BIN1: variants seen among roughly 807,000 people sequenced by gnomAD.
BIN1 encodes the protein bridging integrator 1.
Under a neutral mutation model 82.0 loss-of-function variants are expected in BIN1, and 53 were observed. The ratio of observed to expected loss-of-function variants is 0.65; its 90% confidence interval spans 0.52 to 0.81. The LOEUF (loss-of-function observed/expected upper bound fraction) is 0.81, where lower values mean the gene tolerates loss of function less well. Among genes scored for constraint, BIN1 ranks in the 40% least tolerant of loss-of-function variants. The pLI is 0.00. For missense variants in BIN1, 642 were observed against 784.4 expected (o/e 0.82, Z 2.17); for synonymous variants, 302 against 328.0 (o/e 0.92, Z 0.86).
chr2:127,050,236 A>C (rs1682723231), intron 18 of BIN1, 185 bp downstream of exon 18: 3 of 650,474 alleles, frequency 4.6e-6, no homozygotes, highest in African/African-American at 3.6e-5. Context: ...GGCCAAGGGA[A>C]GGGAGAGGAG....
intron 15 of BIN1, 37 bp from the exon 16 acceptor site, chr2:127,051,280 A>ACAGGACACAGC: frequency 1.2e-6 from 2 of 1,605,912 alleles, no homozygotes; most frequent in East Asian, 2.2e-5. Context: ...CAGACACAGG[A>ACAGGACACAGC]CAGGACACAG....
intron 1 of BIN1, among the ~76,000 whole-genome samples, chr2:127,079,206 C>G (rs191741118): frequency 6.6e-6 from 1 of 152,304 alleles, no homozygotes; most frequent in East Asian, 1.9e-4. Context: ...GCCTTGAGAA[C>G]GAGACACCAG....
At position 127,056,904 on chromosome 2, in the gene BIN1, C is replaced by T. The variant is rs1055641554; in HGVS notation, c.1131+569G>A. ...GAGCCCACTGGGAGAGACCCAAGACCCTCTGCGTGGCTCCTTGCTGAGCCA... is the reference window on the plus strand; with the variant it reads ...GAGCCCACTGGGAGAGACCCAAGACTCTCTGCGTGGCTCCTTGCTGAGCCA... On this transcript the variant is annotated intron_variant, in intron 12 of 18. Coordinates refer to ENST00000316724, the MANE Select transcript of BIN1 (RefSeq NM_139343.3). 4.6e-5 allele frequency among the ~76,000 whole-genome samples: 7 copies of T among 152,374 alleles called. No homozygotes were observed. In the East Asian group the frequency reaches 1.4e-3, roughly 29 times the overall value.
intron 4 of BIN1, 45 bp downstream of exon 4, chr2:127,070,508 C>A: frequency 6.2e-7 from 1 of 1,606,106 alleles, no homozygotes; most frequent in South Asian, 1.1e-5. Flanking sequence ...GAGCTGAGAC[C>A]AGAGGGCCCT....
At chr2:127,094,402 C>G (rs1308323616) in intron 1 of BIN1, among the ~76,000 whole-genome samples, 1 of 152,216 alleles carries the variant, frequency 6.6e-6, no homozygotes, top group African/African-American at 2.4e-5. Flanking sequence ...TCTAGCCTCC[C>G]CCTTCAGGAT....
chr2:127,070,141 C>T (rs770313456), intron 4 of BIN1, 51 bp from the exon 5 acceptor site: 134 of 1,488,306 alleles, frequency 9.0e-5, no homozygotes, highest in Non-Finnish European at 1.1e-4. Context: ...GGGCCACACC[C>T]GCCCCAGCGC....
intron 16 of BIN1, 64 bp downstream of exon 16, chr2:127,051,090 G>A (rs1289937575): frequency 1.3e-6 from 2 of 1,592,762 alleles, no homozygotes; most frequent in Non-Finnish European, 1.7e-6. Context: ...GGCCACAGGG[G>A]AGCCCCGGAC....
chr2:127,078,054 C>G (rs1686838794), intron 1 of BIN1, among the ~76,000 whole-genome samples: 1 of 152,224 alleles, frequency 6.6e-6, no homozygotes, highest in Non-Finnish European at 1.5e-5. Context: ...CCCATGCTGC[C>G]AGGAACATCA....
intron 4 of BIN1, among the ~76,000 whole-genome samples, 168 bp downstream of exon 4, chr2:127,070,385 G>A (rs189413709): frequency 3.9e-5 from 6 of 152,324 alleles, no homozygotes; most frequent in South Asian, 2.1e-4. Flanking sequence ...GTGTGAGGGC[G>A]TGTCAGGAGA....
chr2:127,049,994 G>C (rs1296161056), intron 18 of BIN1, among the ~76,000 whole-genome samples: 1 of 152,220 alleles, frequency 6.6e-6, no homozygotes, highest in African/African-American at 2.4e-5. Flanking sequence ...AGCCCAACCA[G>C]TGCTCCGGCT....
At chr2:127,094,129 C>T (rs547139744) in intron 1 of BIN1, among the ~76,000 whole-genome samples, 2 of 152,344 alleles carry the variant, frequency 1.3e-5, no homozygotes, top group African/African-American at 4.8e-5. Context: ...ACACAGGATA[C>T]TATCCCACCT....
In BIN1 at chr2:127,059,038, CCCGGGCGTGGCCCCG is replaced by C; in HGVS notation, c.960_974del (p.Gly321_Gly325del). The C allele has an allele frequency of 6.4e-7, 1 of 1,563,318 alleles. No homozygotes were observed. Among genetic ancestry groups the C allele is most frequent in the Non-Finnish European group, 8.7e-7 (1 of 1,153,764 alleles). On this transcript the variant is annotated inframe_deletion, in exon 11 of 19. Transcript: ENST00000316724. This position sits in a 1 kb window ranked among gnomAD's most constrained non-coding sequence, Gnocchi z 6.7. ...GAGATGGGGACTTGGGGAGGGTGGCCCCGGGCGTGGCCCCGCCGGCCGGCTCTGGCTCGTGGTTGA... is the reference window on the plus strand; with the variant it reads ...GAGATGGGGACTTGGGGAGGGTGGCCCCGGCCGGCTCTGGCTCGTGGTTGA...
intron 5 of BIN1, among the ~76,000 whole-genome samples, chr2:127,069,392 C>T (rs965944150): frequency 1.3e-5 from 2 of 152,178 alleles, no homozygotes. Flanking sequence ...CTAGCATGAG[C>T]ATGACACCCC....
rs1009788228 is a variant in BIN1 at position 127,057,371 on chromosome 2, C to G, written c.1131+102G>C. On this transcript the variant is annotated intron_variant, in intron 12 of 18. Transcript: ENST00000316724. This position sits in a 1 kb window ranked among gnomAD's most constrained non-coding sequence, Gnocchi z 5.0. ...GAGGGAAACTGACACTCTCTCTGGCCAGATTCCTGGCTCTTGAGACAGAAG... is the reference window on the plus strand; with the variant it reads ...GAGGGAAACTGACACTCTCTCTGGCGAGATTCCTGGCTCTTGAGACAGAAG... 1.4e-6 allele frequency: 2 copies of G among 1,392,640 alleles called. No homozygotes were observed. Among genetic ancestry groups the G allele is most frequent in the African/African-American group, 1.5e-5 (1 of 68,890 alleles). The allele number at this position is 1,392,640 out of a possible 1,614,324, so 86.3% of individuals were successfully genotyped here. A position where few individuals can be genotyped will look rare whatever the true frequency, so the allele number is the denominator to read the frequency against.
intron 1 of BIN1, among the ~76,000 whole-genome samples, chr2:127,094,807 T>C (rs1679379576): frequency 6.6e-6 from 1 of 152,188 alleles, no homozygotes; most frequent in South Asian, 2.1e-4. Flanking sequence ...GCTTCTGAAG[T>C]TGGCCCCAGG....
intron 18 of BIN1, 126 bp from the exon 19 acceptor site, chr2:127,048,759 G>A (rs1485224624): frequency 7.0e-6 from 6 of 860,222 alleles, no homozygotes; most frequent in Non-Finnish European, 1.1e-5. Context: ...AGCCTGCCAA[G>A]CCCACCTTGA....
chr2:127,095,855 G>A, intron 1 of BIN1, among the ~76,000 whole-genome samples: 1 of 152,178 alleles, frequency 6.6e-6, no homozygotes, highest in Admixed American at 6.5e-5. Flanking sequence ...GAGGTGCAAT[G>A]GCTCTGCCCC....
At chr2:127,095,848 G>A (rs1347253763) in intron 1 of BIN1, among the ~76,000 whole-genome samples, 3 of 152,184 alleles carry the variant, frequency 2.0e-5, no homozygotes, top group African/African-American at 7.2e-5. Flanking sequence ...TGCAACAGAG[G>A]TGCAATGGCT....
chr2:127,078,850 AC>A (rs1237940129), intron 1 of BIN1, among the ~76,000 whole-genome samples: 7 of 121,146 alleles, frequency 5.8e-5, no homozygotes, highest in Non-Finnish European at 8.7e-5. Context: ...TCAGGCACCC[AC>A]CCCACAGCCC....
Sources: allele counts gnomAD v4.1 joint callset (sites outside exome capture counted in the v4.1 genomes callset), GRCh38; gene constraint gnomAD v4.1.1; non-coding constraint Gnocchi (gnomAD v3.1); transcripts MANE v1.5; gene names NCBI Gene and HGNC (gene_info 2026-07-23, HGNC 2026-07-21).